ZNF385D: variants seen among roughly 807,000 people sequenced by gnomAD.
ZNF385D encodes zinc finger protein 385D, also known as zinc finger protein 659.
ZNF385D carries 15 observed loss-of-function variants against 35.8 expected under a neutral mutation model. The observed-to-expected ratio is 0.42, with a 90% confidence interval of 0.28 to 0.64. The LOEUF is 0.64. Among genes scored for constraint, ZNF385D ranks in the 30% least tolerant of loss-of-function variants. The pLI is 0.23. For synonymous variants in ZNF385D, 212 were observed against 186.8 expected (o/e 1.13, Z -1.10); for missense variants, 474 against 494.6 (o/e 0.96, Z 0.39).
At chr3:21,545,058 G>T (rs962004044) in intron 3 of ZNF385D, among the ~76,000 whole-genome samples, 1 of 152,140 alleles carries the variant, frequency 6.6e-6, no homozygotes, top group East Asian at 1.9e-4. Context: ...TAAAACTAAT[G>T]GCTAAGTATA....
chr3:22,321,227 G>C (rs761303218), intron 2 of ZNF385D, among the ~76,000 whole-genome samples: 2 of 119,462 alleles, frequency 1.7e-5, no homozygotes, highest in Non-Finnish European at 3.3e-5. Context: ...TACACTTTAC[G>C]ACTATCAACA....
At chr3:22,224,593 A>G (rs1698446949) in intron 2 of ZNF385D, among the ~76,000 whole-genome samples, 1 of 152,198 alleles carries the variant, frequency 6.6e-6, no homozygotes, top group African/African-American at 2.4e-5. Context: ...CACAGTGGAG[A>G]TACAGTGATG....
intron 3 of ZNF385D, among the ~76,000 whole-genome samples, chr3:22,083,458 C>T (rs921206357): frequency 1.8e-4 from 28 of 151,956 alleles, no homozygotes; most frequent in African/African-American, 5.3e-4. Context: ...GTAGCTGATT[C>T]GATCAACTGG....
chr3:21,753,797 G>A (rs2070218643), upstream of ZNF385D, among the ~76,000 whole-genome samples: 1 of 151,788 alleles, frequency 6.6e-6, no homozygotes, highest in Non-Finnish European at 1.5e-5. Flanking sequence ...TGTTGTGTGT[G>A]TGTGTGTGTG....
At chr3:21,628,423 C>A (rs760207093) in intron 2 of ZNF385D, among the ~76,000 whole-genome samples, 5 of 151,862 alleles carry the variant, frequency 3.3e-5, no homozygotes, top group Non-Finnish European at 7.4e-5. Context: ...ATTGTGTTAC[C>A]TTAGGCAAGT....
At chr3:21,503,625 G>A (rs1471299832) in intron 4 of ZNF385D, among the ~76,000 whole-genome samples, 1 of 152,096 alleles carries the variant, frequency 6.6e-6, no homozygotes, top group Non-Finnish European at 1.5e-5. Flanking sequence ...GTAAACAGCT[G>A]GTTCAGGAGG....
chr3:21,930,123 G>C (rs1173653455), intron 3 of ZNF385D, among the ~76,000 whole-genome samples: 2 of 152,026 alleles, frequency 1.3e-5, no homozygotes, highest in African/African-American at 2.4e-5. Flanking sequence ...GAATTTGAGA[G>C]TCCAAAAATA....
chr3:21,952,474 G>GA (rs751046503), intron 3 of ZNF385D, among the ~76,000 whole-genome samples: 162 of 151,574 alleles, frequency 1.1e-3, no homozygotes, highest in South Asian at 1.9e-3. Flanking sequence ...ATTAAAATGT[G>GA]AAAAAAAATG....
intron 3 of ZNF385D, among the ~76,000 whole-genome samples, chr3:21,919,859 TTGAATAACTC>T (rs1251664171): frequency 6.6e-6 from 1 of 152,206 alleles, no homozygotes; most frequent in Non-Finnish European, 1.5e-5. Flanking sequence ...CTGAATAACT[TTGAATAACTC>T]TGAATAACTT....
chr3:21,723,204 CA>C (rs1185048803), intron 1 of ZNF385D, among the ~76,000 whole-genome samples: 2 of 152,094 alleles, frequency 1.3e-5, no homozygotes, highest in African/African-American at 2.4e-5. Context: ...GAAACCAGCA[CA>C]AAAAGGGTGA....
chr3:22,026,951 G>A (rs144062787), intron 3 of ZNF385D, among the ~76,000 whole-genome samples: 1 of 152,202 alleles, frequency 6.6e-6, no homozygotes, highest in Non-Finnish European at 1.5e-5. Flanking sequence ...AATTTCAGCT[G>A]TTGCACCACA....
intron 4 of ZNF385D, among the ~76,000 whole-genome samples, chr3:21,500,961 C>T (rs1706313139): frequency 2.0e-5 from 3 of 152,178 alleles, no homozygotes; most frequent in South Asian, 4.1e-4. Flanking sequence ...CCTTGCCCCA[C>T]GTGTGCCTGG....
chr3:22,070,072 C>T (rs1700154835), intron 3 of ZNF385D, among the ~76,000 whole-genome samples: 1 of 152,110 alleles, frequency 6.6e-6, no homozygotes. Context: ...TTGAAAATGG[C>T]CCTTTCCTAG....
chr3:21,552,454 T>C (rs2062600614), intron 3 of ZNF385D, among the ~76,000 whole-genome samples: 1 of 152,208 alleles, frequency 6.6e-6, no homozygotes, highest in African/African-American at 2.4e-5. Flanking sequence ...TCTAAGAGAG[T>C]TTCTACTCTT....
intron 3 of ZNF385D, among the ~76,000 whole-genome samples, chr3:22,155,869 A>G (rs1476874855): frequency 6.6e-6 from 1 of 152,140 alleles, no homozygotes; most frequent in Non-Finnish European, 1.5e-5. Flanking sequence ...TCTCATTTAC[A>G]GTTAATAACA....
intron 3 of ZNF385D, among the ~76,000 whole-genome samples, chr3:21,533,459 A>G (rs2061970353): frequency 1.3e-5 from 2 of 152,262 alleles, no homozygotes; most frequent in Non-Finnish European, 1.5e-5. Context: ...GCAATGTTCC[A>G]TTAATCCTAT....
At chr3:21,432,604 G>A (rs1480822712) in intron 5 of ZNF385D, among the ~76,000 whole-genome samples, 2 of 151,400 alleles carry the variant, frequency 1.3e-5, no homozygotes, top group African/African-American at 4.8e-5. Flanking sequence ...TTTTTTTGTG[G>A]GGGGAAATTT....
At chr3:22,305,794 A>G (rs1245549818) in intron 2 of ZNF385D, among the ~76,000 whole-genome samples, 1 of 152,174 alleles carries the variant, frequency 6.6e-6, no homozygotes, top group Admixed American at 6.6e-5. Flanking sequence ...AATGATTACT[A>G]CACTAATTAA....
intron 2 of ZNF385D, among the ~76,000 whole-genome samples, chr3:21,637,589 G>A (rs1394508617): frequency 2.0e-5 from 3 of 151,926 alleles, no homozygotes; most frequent in Non-Finnish European, 4.4e-5. Context: ...TTGGCTATGC[G>A]GGTAGAGTCA....
Sources: allele counts gnomAD v4.1 joint callset (sites outside exome capture counted in the v4.1 genomes callset), GRCh38; gene constraint gnomAD v4.1.1; transcripts MANE v1.5; gene names NCBI Gene and HGNC (gene_info 2026-07-23, HGNC 2026-07-21).